FAM227B: variants seen among roughly 807,000 people sequenced by gnomAD.
The protein encoded by FAM227B is protein FAM227B.
A neutral mutation model predicts 73.8 loss-of-function variants in FAM227B; 88 were observed. That is an observed-to-expected ratio of 1.19 (90% CI 1.00 to 1.42). The LOEUF is 1.42. Among genes scored for constraint, FAM227B ranks in the 40% most tolerant of loss-of-function variants. The probability of loss-of-function intolerance (pLI) is 0.00; values close to 1 mark genes in which losing one functional copy is unlikely to be tolerated. For synonymous variants in FAM227B, 210 were observed against 190.5 expected, an observed-to-expected ratio of 1.10 and a Z score of -0.84; for missense variants, 632 against 590.9, an observed-to-expected ratio of 1.07 and a Z score of -0.72.
chr15:49,373,848 T>C (rs1029671478), intron 11 of FAM227B, among the ~76,000 whole-genome samples: 2 of 152,096 alleles, frequency 1.3e-5, no homozygotes, highest in Non-Finnish European at 2.9e-5. Flanking sequence ...GACTAAACTA[T>C]ACAAACAGAA....
chr15:49,410,956 T>G, intron 11 of FAM227B, among the ~76,000 whole-genome samples: 1 of 143,596 alleles, frequency 7.0e-6, no homozygotes, highest in Admixed American at 7.0e-5. Flanking sequence ...GAAAAAGCAT[T>G]TGAGAGTGTG....
chr15:49,365,581 A>G, intron 13 of FAM227B: 1 of 910,856 alleles, frequency 1.1e-6, no homozygotes, highest in Non-Finnish European at 1.9e-6. Context: ...TTTAACCATG[A>G]TACTCTCACC....
At chr15:49,491,473 T>C (rs567723991) in intron 11 of FAM227B, among the ~76,000 whole-genome samples, 1 of 152,024 alleles carries the variant, frequency 6.6e-6, no homozygotes, top group Non-Finnish European at 1.5e-5. Flanking sequence ...TAGTCCATTG[T>C]ATTTATCATG....
chr15:49,562,633 C>T (rs997935318), intron 9 of FAM227B, among the ~76,000 whole-genome samples: 5 of 151,996 alleles, frequency 3.3e-5, no homozygotes, highest in Admixed American at 2.0e-4. Context: ...TCCAGCAGTA[C>T]ATCAAAATGT....
chr15:49,532,001 G>A (rs931302309), intron 10 of FAM227B, among the ~76,000 whole-genome samples: 3 of 149,952 alleles, frequency 2.0e-5, no homozygotes, highest in African/African-American at 4.9e-5. Context: ...AGCTATTTAA[G>A]GGAATATCTA....
chr15:49,480,160 T>C (rs980917559), intron 11 of FAM227B, among the ~76,000 whole-genome samples: 2 of 152,222 alleles, frequency 1.3e-5, no homozygotes, highest in African/African-American at 4.8e-5. Flanking sequence ...CCAGTGTTAA[T>C]GGTATTTTTT....
At chr15:49,537,034 T>C (rs74950422) in intron 10 of FAM227B, among the ~76,000 whole-genome samples, 2,606 of 152,192 alleles carry the variant, frequency 0.017, 36 homozygotes, top group Middle Eastern at 0.037. Flanking sequence ...ATCATACCAA[T>C]AGCTTGGGCT....
At chr15:49,584,873 G>T (rs2076048394) in intron 5 of FAM227B, among the ~76,000 whole-genome samples, 1 of 151,992 alleles carries the variant, frequency 6.6e-6, no homozygotes, top group South Asian at 2.1e-4. Flanking sequence ...CTTCTGCACA[G>T]CAAAAGAAAC....
chr15:49,613,187 T>TA (rs1356563155), intron 2 of FAM227B, among the ~76,000 whole-genome samples: 2 of 151,762 alleles, frequency 1.3e-5, no homozygotes, highest in African/African-American at 2.4e-5. Context: ...CCAATCTCCA[T>TA]AAAAAATTTT....
At chr15:49,412,143 T>C (rs2048909748) in intron 11 of FAM227B, among the ~76,000 whole-genome samples, 1 of 152,054 alleles carries the variant, frequency 6.6e-6, no homozygotes, top group African/African-American at 2.4e-5. Context: ...CCAAACTACT[T>C]AGGCTAAGAA....
intron 3 of FAM227B, among the ~76,000 whole-genome samples, chr15:49,595,915 C>G (rs2076860513): frequency 6.6e-6 from 1 of 150,988 alleles, no homozygotes; most frequent in Non-Finnish European, 1.5e-5. Flanking sequence ...CCAACAAAGA[C>G]AAAGGAAAAA....
chr15:49,530,790 T>C (rs1354573634), intron 10 of FAM227B, among the ~76,000 whole-genome samples: 1 of 151,770 alleles, frequency 6.6e-6, no homozygotes, highest in Admixed American at 6.6e-5. Flanking sequence ...GTAAACTCAT[T>C]TGAGTTTTAA....
In FAM227B at chr15:49,461,951, C is replaced by T. The variant is rs180768590; in HGVS notation, c.1012+46260G>A. 1.3e-3 allele frequency among the ~76,000 whole-genome samples: 197 copies of T among 152,282 alleles called. 6 individuals are homozygous for T. Among genetic ancestry groups the T allele is most frequent in the Admixed American group, 0.012 (188 of 15,280 alleles). On this transcript the variant is annotated intron_variant, in intron 11 of 15. Coordinates refer to ENST00000299338, the MANE Select transcript of FAM227B (RefSeq NM_152647.3). ...TTGGGAGGCCGAAGCAGGCAGATTA[C>T]TTGAGGTAAGGAGTTCGAGACCAGC...
At chr15:49,351,148 T>C (rs2042189115) in intron 13 of FAM227B, among the ~76,000 whole-genome samples, 1 of 152,300 alleles carries the variant, frequency 6.6e-6, no homozygotes, top group South Asian at 2.1e-4. Context: ...TTTGCACTTA[T>C]TTGAATTCAG....
At chr15:49,422,748 T>C (rs1044700092) in intron 11 of FAM227B, 3 of 1,331,874 alleles carry the variant, frequency 2.3e-6, no homozygotes, top group Admixed American at 2.0e-5. Flanking sequence ...TGTACTTATA[T>C]TCATATTCAA....
chr15:49,583,126 C>T (rs1381590424), intron 5 of FAM227B, among the ~76,000 whole-genome samples: 1 of 151,062 alleles, frequency 6.6e-6, no homozygotes, highest in African/African-American at 2.4e-5. Flanking sequence ...TAACCAAAAT[C>T]AGAGCTGAAC....
At chr15:49,553,490 C>G (rs1373289613) in intron 9 of FAM227B, among the ~76,000 whole-genome samples, 1 of 152,224 alleles carries the variant, frequency 6.6e-6, no homozygotes, top group African/African-American at 2.4e-5. Context: ...CAAAGCCAGC[C>G]AGGCCTGTGT....
chr15:49,402,944 A>G (rs183209870), intron 11 of FAM227B, among the ~76,000 whole-genome samples: 3 of 152,284 alleles, frequency 2.0e-5, no homozygotes, highest in East Asian at 3.9e-4. Context: ...ATTTCGAGGT[A>G]TGTTCCTTCA....
intron 9 of FAM227B, among the ~76,000 whole-genome samples, chr15:49,546,617 C>G (rs963001550): frequency 6.6e-6 from 1 of 152,178 alleles, no homozygotes; most frequent in African/African-American, 2.4e-5. Flanking sequence ...TTCTCCAGCA[C>G]CTGTTGTTTC....
Sources: gnomAD v4.1 joint callset for allele counts (sites outside exome capture counted in the v4.1 genomes callset) on GRCh38, gnomAD v4.1.1 for gene constraint, MANE v1.5 for transcripts, NCBI Gene and HGNC (gene_info 2026-07-23, HGNC 2026-07-21) for gene names.